The following ZNF423 variants were observed in gnomAD, a reference collection of about 807,000 sequenced individuals.
The protein encoded by ZNF423 is zinc finger protein 423.
A neutral mutation model predicts 95.8 loss-of-function variants in ZNF423; 12 were observed. The ratio of observed to expected loss-of-function variants is 0.13; its 90% CI spans 0.08 to 0.20. The LOEUF (loss-of-function observed/expected upper bound fraction) is 0.20, where lower values mean the gene tolerates loss of function less well. Among genes scored for constraint, ZNF423 ranks in the 10% least tolerant of loss-of-function variants. ZNF423 has a pLI of 1.00. For synonymous variants in ZNF423, 749 were observed against 711.9 expected (o/e 1.05, Z -0.83); for missense variants, 1,316 against 1,737.1 (o/e 0.76, Z 4.31).
intron 5 of ZNF423, among the ~76,000 whole-genome samples, chr16:49,617,562 G>A (rs1971920294): frequency 6.6e-6 from 1 of 152,124 alleles, no homozygotes; most frequent in Non-Finnish European, 1.5e-5. Flanking sequence ...AGCCCCTCCA[G>A]GACCAGCTCC....
In ZNF423 at chr16:49,635,687, T is replaced by C. The variant is rs773439906; in HGVS notation, c.3489A>G (p.Lys1163=). The C allele has an allele frequency of 2.5e-6, 4 of 1,588,048 alleles. No homozygotes were observed. The highest frequency in any genetic ancestry group is 3.4e-6 in the Non-Finnish European group (4 of 1,169,410). The change falls in exon 4 of 8, where the codon AAA becomes AAG. Residue 1163 remains lysine, a synonymous_variant. Transcript: ENST00000563137. The surrounding 1 kb of genome is among the most constrained non-coding windows in gnomAD (Gnocchi z 4.8). The part of the protein sequence containing the change: ...DLTPETSGPR[K]GTQTSPVPRK... The stretch of plus-strand genomic sequence containing the variant: ...GGGGCACTGGCGATGTCTGGGTGCC[T>C]TTCCGGGGCCCACTGGTCTCCGGCG...
intron 5 of ZNF423, among the ~76,000 whole-genome samples, chr16:49,620,277 G>C (rs1274406955): frequency 6.6e-6 from 1 of 151,900 alleles, no homozygotes; most frequent in Non-Finnish European, 1.5e-5. Flanking sequence ...CCTCCCTCCA[G>C]GTTGGCCAGG....
At chr16:49,780,294 G>A (rs1458730246) in intron 2 of ZNF423, among the ~76,000 whole-genome samples, 1 of 152,212 alleles carries the variant, frequency 6.6e-6, no homozygotes, top group Non-Finnish European at 1.5e-5. Flanking sequence ...CAAGGCTGGT[G>A]CAGAGCCAGA....
intron 5 of ZNF423, among the ~76,000 whole-genome samples, chr16:49,562,318 T>G (rs934406684): frequency 6.6e-6 from 1 of 152,198 alleles, no homozygotes; most frequent in African/African-American, 2.4e-5. Context: ...GTGTGAGTCT[T>G]AAACAAATTA....
At position 49,559,620 on chromosome 16, in the gene ZNF423, A is replaced by G. The variant is rs1969952504; in HGVS notation, c.3602-34126T>C. Among the ~76,000 whole-genome samples the G allele has an allele frequency of 3.3e-5, 5 of 152,192 alleles. No homozygotes were observed. The South Asian group carries it at 1.0e-3, about 32-fold the overall frequency. On this transcript the variant is annotated intron_variant, in intron 5 of 7. Coordinates refer to ENST00000563137, the MANE Select transcript of ZNF423 (RefSeq NM_001379286.1). ...TGTCAAGGAAGAAGAGTTGATGACAACATGTTTTCCTGTGGGCGGTCTGCT... is the reference window on the plus strand; with the variant it reads ...TGTCAAGGAAGAAGAGTTGATGACAGCATGTTTTCCTGTGGGCGGTCTGCT...
intron 5 of ZNF423, among the ~76,000 whole-genome samples, chr16:49,567,493 A>C (rs1970229369): frequency 6.6e-6 from 1 of 151,990 alleles, no homozygotes; most frequent in Non-Finnish European, 1.5e-5. Context: ...TTCAAAAGAA[A>C]AAGGTCTCCC....
intron 2 of ZNF423, among the ~76,000 whole-genome samples, chr16:49,738,572 A>G (rs1596949912): frequency 6.6e-6 from 1 of 152,114 alleles, no homozygotes; most frequent in South Asian, 2.1e-4. Flanking sequence ...TCAGCTCCAC[A>G]TCAGGGGATA....
chr16:49,519,120 AC>A (rs1178793881), intron 7 of ZNF423, among the ~76,000 whole-genome samples: 1 of 152,224 alleles, frequency 6.6e-6, no homozygotes, highest in Non-Finnish European at 1.5e-5. Flanking sequence ...GTTGCCTTTT[AC>A]TGCTGAGAAT....
chr16:49,654,279 C>A (rs1410759307), intron 3 of ZNF423, among the ~76,000 whole-genome samples: 1 of 152,212 alleles, frequency 6.6e-6, no homozygotes, highest in Admixed American at 6.5e-5. Context: ...GACTTGGGGG[C>A]CAGCTCTGCC....
chr16:49,530,702 G>A (rs557869690), intron 5 of ZNF423, among the ~76,000 whole-genome samples: 2 of 152,228 alleles, frequency 1.3e-5, no homozygotes, highest in South Asian at 2.1e-4. Context: ...CTCCAGTAAC[G>A]CTTTCTGGAA....
intron 3 of ZNF423, among the ~76,000 whole-genome samples, chr16:49,670,219 G>A (rs780079826): frequency 5.9e-5 from 9 of 152,294 alleles, no homozygotes; most frequent in East Asian, 1.9e-4. Context: ...TCTGGGATGC[G>A]GCCACCTGGC....
chr16:49,782,276 C>T (rs537941245), intron 2 of ZNF423, among the ~76,000 whole-genome samples: 2 of 152,326 alleles, frequency 1.3e-5, no homozygotes, highest in Admixed American at 6.5e-5. Flanking sequence ...CATGCATGAG[C>T]GGCCTGGGTT....
At chr16:49,496,505 A>G (rs1272800270) in intron 7 of ZNF423, among the ~76,000 whole-genome samples, 1 of 152,092 alleles carries the variant, frequency 6.6e-6, no homozygotes, top group Non-Finnish European at 1.5e-5. Context: ...CTTGCCTTCC[A>G]TCATCATTGG....
chr16:49,817,022 T>C (rs1219809969), intron 1 of ZNF423, among the ~76,000 whole-genome samples: 1 of 152,212 alleles, frequency 6.6e-6, no homozygotes, highest in African/African-American at 2.4e-5. Context: ...GATAAGAAGC[T>C]GCTAATATCT....
At chr16:49,526,961 C>T (rs377740349) in intron 5 of ZNF423, among the ~76,000 whole-genome samples, 107 of 152,328 alleles carry the variant, frequency 7.0e-4, no homozygotes, top group Middle Eastern at 3.4e-3. Flanking sequence ...ACCAGCCTCA[C>T]TGAAGGCGCC....
At chr16:49,740,611 G>A (rs923239003) in intron 2 of ZNF423, among the ~76,000 whole-genome samples, 2 of 152,232 alleles carry the variant, frequency 1.3e-5, no homozygotes, top group Admixed American at 6.5e-5. Context: ...TCTTAAATAA[G>A]GAAGCAACTT....
At chr16:49,772,791 A>G (rs2034057881) in intron 2 of ZNF423, among the ~76,000 whole-genome samples, 1 of 152,238 alleles carries the variant, frequency 6.6e-6, no homozygotes, top group Non-Finnish European at 1.5e-5. Context: ...CCGAGGGAAC[A>G]GCAGATTCTC....
intron 3 of ZNF423, among the ~76,000 whole-genome samples, chr16:49,659,028 A>G (rs59185699): frequency 6.6e-6 from 1 of 152,150 alleles, no homozygotes; most frequent in East Asian, 1.9e-4. Context: ...CTTAAAATCT[A>G]TATTATTTAT....
At chr16:49,743,088 G>A (rs2033448578) in intron 2 of ZNF423, among the ~76,000 whole-genome samples, 1 of 152,072 alleles carries the variant, frequency 6.6e-6, no homozygotes, top group Admixed American at 6.5e-5. Context: ...GCCAGGGGCA[G>A]GCCTGAGGAC....
Sources: gnomAD v4.1 joint callset for allele counts (sites outside exome capture counted in the v4.1 genomes callset) on GRCh38, gnomAD v4.1.1 for gene constraint, Gnocchi (gnomAD v3.1) non-coding constraint, MANE v1.5 for transcripts, NCBI Gene and HGNC (gene_info 2026-07-23, HGNC 2026-07-21) for gene names.